The following GPM6A variants were observed in gnomAD, a reference collection of about 807,000 sequenced individuals.
GPM6A encodes the protein neuronal membrane glycoprotein M6-a.
A neutral mutation model predicts 32.1 loss-of-function variants in GPM6A; 7 were observed. That is an observed-to-expected ratio of 0.22 (90% confidence interval 0.12 to 0.41). The LOEUF is 0.41. Ranked by LOEUF, GPM6A falls within the 10% of genes least tolerant of loss-of-function variation. GPM6A has a pLI of 1.00. For synonymous variants in GPM6A, 130 were observed against 123.4 expected, an observed-to-expected ratio of 1.05 and a Z score of -0.35; for missense variants, 235 against 347.2, an observed-to-expected ratio of 0.68 and a Z score of 2.57.
At chr4:175,679,962 C>T (rs10213204) in intron 2 of GPM6A, among the ~76,000 whole-genome samples, 117,236 of 152,040 alleles carry the variant, frequency 0.77, 46,980 homozygotes, top group Non-Finnish European at 0.87. Context: ...GAGAAACTCT[C>T]GTCCTATTAA....
chr4:175,691,957 G>A (rs1324519629), intron 2 of GPM6A, among the ~76,000 whole-genome samples: 3 of 152,160 alleles, frequency 2.0e-5, no homozygotes, highest in Non-Finnish European at 4.4e-5. Context: ...GGATGCAGGT[G>A]GCCTCTGGAA....
intron 1 of GPM6A, among the ~76,000 whole-genome samples, chr4:175,724,536 T>C (rs1262811703): frequency 7.2e-5 from 11 of 152,010 alleles, no homozygotes; most frequent in Admixed American, 7.2e-4. Context: ...CAGAGTGAGA[T>C]TCCATCTCAA....
chr4:175,814,961 C>A (rs1175363236), upstream of GPM6A, among the ~76,000 whole-genome samples: 1 of 152,154 alleles, frequency 6.6e-6, no homozygotes, highest in African/African-American at 2.4e-5. Flanking sequence ...ATTAAAAACG[C>A]ACTCCTCCTT....
intron 1 of GPM6A, among the ~76,000 whole-genome samples, chr4:175,840,459 C>G (rs946502295): frequency 6.6e-6 from 1 of 152,180 alleles, no homozygotes; most frequent in African/African-American, 2.4e-5. Context: ...GGACGGATCA[C>G]CTGAGGTCAG....
chr4:175,800,494 A>G (rs914570161), intron 1 of GPM6A, among the ~76,000 whole-genome samples: 19 of 152,116 alleles, frequency 1.2e-4, no homozygotes, highest in African/African-American at 3.9e-4. Flanking sequence ...GGGCGCATCA[A>G]ATTCTTTCCC....
intron 4 of GPM6A, among the ~76,000 whole-genome samples, chr4:175,642,511 C>G (rs750101845): frequency 5.3e-5 from 8 of 152,244 alleles, no homozygotes; most frequent in Non-Finnish European, 1.2e-4. Flanking sequence ...TAATGACCTC[C>G]AAGGATTAAT....
At chr4:175,956,473 T>A (rs947265210) in intron 1 of GPM6A, among the ~76,000 whole-genome samples, 1 of 152,224 alleles carries the variant, frequency 6.6e-6, no homozygotes, top group African/African-American at 2.4e-5. Context: ...ATTTATGTTA[T>A]CTCTGGTAAG....
At position 175,982,593 on chromosome 4, in the gene GPM6A, T is replaced by C. The variant is rs1459019554; in HGVS notation, c.-23+19716A>G. Among the ~76,000 whole-genome samples, 3 of 152,184 alleles carry C rather than the reference T, an allele frequency of 2.0e-5. No individual in the cohort carries two copies. The East Asian group carries it at 5.8e-4, about 29-fold the overall frequency. On this transcript the variant is annotated intron_variant, in intron 1 of 7. Transcript: ENST00000280187. ...TTTATCTCTAGAGTTTGTTCTCTAT[T>C]CCATTAATGTATATATCTATCCTCT...
chr4:175,655,177 G>A (rs1157582261), intron 3 of GPM6A, among the ~76,000 whole-genome samples: 5 of 151,966 alleles, frequency 3.3e-5, no homozygotes, highest in African/African-American at 9.7e-5. Flanking sequence ...AAATCAGTGC[G>A]GTGAGAAAAT....
At chr4:175,745,312 T>G (rs1732058800) in intron 1 of GPM6A, among the ~76,000 whole-genome samples, 1 of 152,178 alleles carries the variant, frequency 6.6e-6, no homozygotes, top group Admixed American at 6.6e-5. Flanking sequence ...CAAATTTCAG[T>G]GAAAAATTAA....
intron 1 of GPM6A, among the ~76,000 whole-genome samples, chr4:175,878,640 T>C (rs940722507): frequency 5.9e-5 from 9 of 152,166 alleles, no homozygotes; most frequent in African/African-American, 1.9e-4. Flanking sequence ...GATCATTTTT[T>C]CCTCATAGGC....
intron 1 of GPM6A, among the ~76,000 whole-genome samples, chr4:175,932,460 T>C (rs1739083487): frequency 6.6e-6 from 1 of 152,208 alleles, no homozygotes; most frequent in African/African-American, 2.4e-5. Flanking sequence ...TCTCGGACTT[T>C]CCATCCTCCG....
intron 1 of GPM6A, among the ~76,000 whole-genome samples, chr4:175,748,009 A>G (rs1732176426): frequency 6.6e-6 from 1 of 152,204 alleles, no homozygotes; most frequent in Non-Finnish European, 1.5e-5. Flanking sequence ...TTTCATTCAT[A>G]AGAAGCAACT....
intron 1 of GPM6A, among the ~76,000 whole-genome samples, chr4:175,903,332 A>G (rs991172354): frequency 1.3e-5 from 2 of 152,148 alleles, no homozygotes; most frequent in African/African-American, 4.8e-5. Context: ...TAAATAGAAA[A>G]AGTCTCCCTT....
intron 1 of GPM6A, among the ~76,000 whole-genome samples, chr4:175,792,672 A>G (rs1734058434): frequency 6.6e-6 from 1 of 152,220 alleles, no homozygotes; most frequent in Admixed American, 6.5e-5. Context: ...ATTTTAAAAT[A>G]CAATGTAAAA....
intron 1 of GPM6A, among the ~76,000 whole-genome samples, chr4:175,920,315 C>T (rs1171290008): frequency 1.3e-5 from 2 of 152,204 alleles, no homozygotes; most frequent in African/African-American, 2.4e-5. Context: ...CACTTATCCT[C>T]TCTTGTGCTT....
At chr4:175,982,925 A>G (rs1239733113) in intron 1 of GPM6A, among the ~76,000 whole-genome samples, 2 of 152,146 alleles carry the variant, frequency 1.3e-5, no homozygotes, top group African/African-American at 2.4e-5. Flanking sequence ...ATTTTTCTGC[A>G]TAAACGGCAT....
At chr4:175,732,832 G>T (rs914808532) in intron 1 of GPM6A, among the ~76,000 whole-genome samples, 12 of 151,974 alleles carry the variant, frequency 7.9e-5, no homozygotes, top group Admixed American at 7.9e-4. Context: ...ATTTATATGG[G>T]GTTTAAATTT....
chr4:175,938,005 T>G (rs905328330), intron 1 of GPM6A, among the ~76,000 whole-genome samples: 1 of 152,158 alleles, frequency 6.6e-6, no homozygotes, highest in Non-Finnish European at 1.5e-5. Context: ...GGACGTGACC[T>G]CAAGTGAATG....
Sources: gnomAD v4.1 joint callset for allele counts (sites outside exome capture counted in the v4.1 genomes callset) on GRCh38, gnomAD v4.1.1 for gene constraint, MANE v1.5 for transcripts, NCBI Gene and HGNC (gene_info 2026-07-23, HGNC 2026-07-21) for gene names.